Variants in PCP4 observed in about 807,000 individuals in gnomAD.
PCP4 encodes Purkinje cell protein 4, also known as calmodulin regulator protein PCP4.
A neutral mutation model predicts 10.0 loss-of-function variants in PCP4; 8 were observed. That is an observed-to-expected ratio of 0.80 (90% CI 0.47 to 1.45). The LOEUF is 1.45. Ranked by LOEUF, PCP4 falls within the 40% of genes most tolerant of loss-of-function variation. PCP4 has a pLI of 0.00. For missense variants in PCP4, 54 were observed against 74.4 expected, an observed-to-expected ratio of 0.73 and a Z score of 1.01; for synonymous variants, 21 against 23.0, an observed-to-expected ratio of 0.91 and a Z score of 0.24.
At chr21:39,876,757 G>T (rs935591788) in intron 1 of PCP4, among the ~76,000 whole-genome samples, 8 of 152,176 alleles carry the variant, frequency 5.3e-5, no homozygotes, top group Non-Finnish European at 8.8e-5. Flanking sequence ...TACCATGAGT[G>T]TTTGTGGCAG....
intron 2 of PCP4, among the ~76,000 whole-genome samples, chr21:39,923,254 C>G (rs976289657): frequency 7.2e-5 from 11 of 152,196 alleles, no homozygotes; most frequent in Admixed American, 6.5e-4. Context: ...CTCTCTGAAC[C>G]AGAACAGGTT....
At chr21:39,907,424 A>T (rs1222860142) in intron 2 of PCP4, among the ~76,000 whole-genome samples, 10 of 152,200 alleles carry the variant, frequency 6.6e-5, no homozygotes, top group African/African-American at 2.2e-4. Flanking sequence ...AGGGAGGCCT[A>T]TCTGGAGGAG....
intron 1 of PCP4, among the ~76,000 whole-genome samples, chr21:39,888,862 G>A (rs773582659): frequency 1.3e-5 from 2 of 152,198 alleles, no homozygotes; most frequent in East Asian, 1.9e-4. Flanking sequence ...CCCTGTACCC[G>A]TGACTTTTTC....
At chr21:39,924,273 C>A (rs2146351747) in intron 2 of PCP4, among the ~76,000 whole-genome samples, 1 of 152,288 alleles carries the variant, frequency 6.6e-6, no homozygotes, top group East Asian at 1.9e-4. Context: ...TTGATCTGAA[C>A]ATAAACCTAA....
At chr21:39,928,833 A>C (rs2087637235) in intron 2 of PCP4, 151 bp from the exon 3 acceptor site, 5 of 649,976 alleles carry the variant, frequency 7.7e-6, no homozygotes, top group Non-Finnish European at 1.3e-5. Context: ...ACTGGATTTT[A>C]CTTTGCAGAT....
intron 1 of PCP4, among the ~76,000 whole-genome samples, chr21:39,897,650 G>C (rs1028455007): frequency 3.9e-5 from 6 of 152,058 alleles, no homozygotes; most frequent in African/African-American, 1.4e-4. Context: ...AGTTAACCTG[G>C]TAAAATGAAA....
intron 1 of PCP4, among the ~76,000 whole-genome samples, chr21:39,897,782 C>T (rs1049797852): frequency 2.0e-5 from 3 of 152,032 alleles, no homozygotes; most frequent in African/African-American, 7.3e-5. Flanking sequence ...CGCGGTGGCT[C>T]ACGCCTGTAA....
intron 1 of PCP4, among the ~76,000 whole-genome samples, chr21:39,871,333 A>G (rs1004645791): frequency 4.6e-5 from 7 of 152,204 alleles, no homozygotes; most frequent in Admixed American, 3.3e-4. Context: ...AGCTTCTTAC[A>G]ACGTAAGGGT....
In PCP4 at chr21:39,914,838, TTTTAGAAG is replaced by T. The variant is rs1395063312; in HGVS notation, c.62-14145_62-14138del. ...AATGCTTTAAATCTGGTATTTGAAA[TTTTAGAAG>T]CTGGGGCACATGTGAGTCCTAGAAG... On this transcript the variant is annotated intron_variant, in intron 2 of 2. Coordinates refer to ENST00000328619, the MANE Select transcript of PCP4 (RefSeq NM_006198.3). 5.3e-5 allele frequency among the ~76,000 whole-genome samples: 8 copies of T among 152,326 alleles called. No individual in the cohort carries two copies. In the East Asian group the frequency reaches 1.5e-3, roughly 29 times the overall value.
chr21:39,917,000 G>A (rs1329590050), intron 2 of PCP4, among the ~76,000 whole-genome samples: 4 of 152,256 alleles, frequency 2.6e-5, no homozygotes, highest in East Asian at 1.9e-4. Flanking sequence ...ATACCTAGGC[G>A]ATGGGTTGAT....
intron 1 of PCP4, among the ~76,000 whole-genome samples, chr21:39,889,155 CTCTT>C (rs1396505679): frequency 2.0e-5 from 3 of 152,274 alleles, no homozygotes; most frequent in African/African-American, 7.2e-5. Flanking sequence ...TGAGGATGCT[CTCTT>C]TCTTTCTAGT....
intron 2 of PCP4, among the ~76,000 whole-genome samples, chr21:39,908,877 G>C: frequency 6.6e-6 from 1 of 152,192 alleles, no homozygotes; most frequent in Middle Eastern, 3.2e-3. Flanking sequence ...GTCCCTCTTG[G>C]ATATCTTGGC....
intron 1 of PCP4, among the ~76,000 whole-genome samples, chr21:39,871,232 G>T (rs2087318244): frequency 6.6e-6 from 1 of 152,210 alleles, no homozygotes; most frequent in Non-Finnish European, 1.5e-5. Context: ...ACAGTGGTTT[G>T]GGGCTTACAT....
At chr21:39,910,293 A>G (rs1250887703) in intron 2 of PCP4, among the ~76,000 whole-genome samples, 2 of 152,142 alleles carry the variant, frequency 1.3e-5, no homozygotes, top group Non-Finnish European at 2.9e-5. Context: ...TGGCCTGTGT[A>G]GGAGGGCAGA....
At chr21:39,907,257 C>A (rs2087516256) in intron 2 of PCP4, among the ~76,000 whole-genome samples, 1 of 152,040 alleles carries the variant, frequency 6.6e-6, no homozygotes, top group African/African-American at 2.4e-5. Context: ...GCCTTGCAGC[C>A]CTGGGCGTGT....
At position 39,885,683 on chromosome 21, in the gene PCP4, C is replaced by A. The variant is rs1036288845; in HGVS notation, c.10-12793C>A. Among the ~76,000 whole-genome samples the A allele has an allele frequency of 7.9e-5, 12 of 152,318 alleles. No homozygotes were observed. The East Asian group carries it at 1.4e-3, about 17-fold the overall frequency. ...ATGCCCTCCCCTGTGCCCTGGGCAT[C>A]CCCCAAAGCCAGGCACCCTCTCCCT... On this transcript the variant is annotated intron_variant, in intron 1 of 2. Coordinates refer to ENST00000328619, the MANE Select transcript of PCP4 (RefSeq NM_006198.3).
rs1014069517 is a variant in PCP4, at chr21:39,906,198, C to T, written c.61+7671C>T. 6.6e-6 allele frequency among the ~76,000 whole-genome samples: 1 copy of T among 152,212 alleles called. No individual in the cohort carries two copies. Among genetic ancestry groups the T allele is most frequent in the African/African-American group, 2.4e-5 (1 of 41,452 alleles). ...AGGAAAGTTTTGGTCATCTGACCCA[C>T]AGTCCAAACACACCAGGTTGTCTCT... is the stretch of plus-strand genomic sequence containing the variant. On this transcript the variant is annotated intron_variant, in intron 2 of 2. Coordinates refer to ENST00000328619, the MANE Select transcript of PCP4 (RefSeq NM_006198.3). The surrounding 1 kb of genome is among the most constrained non-coding windows in gnomAD (Gnocchi z 6.3).
intron 1 of PCP4, among the ~76,000 whole-genome samples, chr21:39,883,160 G>A (rs1021323235): frequency 6.6e-6 from 1 of 152,174 alleles, no homozygotes; most frequent in African/African-American, 2.4e-5. Context: ...AGATGCAGAA[G>A]GTGGTAGACA....
At chr21:39,928,250 T>C (rs1423966354) in intron 2 of PCP4, among the ~76,000 whole-genome samples, 1 of 152,156 alleles carries the variant, frequency 6.6e-6, no homozygotes, top group Non-Finnish European at 1.5e-5. Context: ...TGAAGAATTT[T>C]ATTGATTTAT....
Sources: gnomAD v4.1 joint callset for allele counts (sites outside exome capture counted in the v4.1 genomes callset) on GRCh38, gnomAD v4.1.1 for gene constraint, Gnocchi (gnomAD v3.1) non-coding constraint, MANE v1.5 for transcripts, NCBI Gene and HGNC (gene_info 2026-07-23, HGNC 2026-07-21) for gene names.